CEP120: variants seen among roughly 807,000 people sequenced by gnomAD.
CEP120 encodes the protein centrosomal protein of 120 kDa.
In CEP120, 113 loss-of-function variants were observed where a neutral mutation model predicts 126.5. That is an observed-to-expected ratio of 0.89 (90% CI 0.77 to 1.04). The LOEUF (loss-of-function observed/expected upper bound fraction) is 1.04, where lower values mean the gene tolerates loss of function less well. Ranked by LOEUF, CEP120 falls within the 50% of genes least tolerant of loss-of-function variation. The pLI, the probability that CEP120 is intolerant of heterozygous loss-of-function variation, is 0.00. For synonymous variants in CEP120, 400 were observed against 394.3 expected, an observed-to-expected ratio of 1.01 and a Z score of -0.17; for missense variants, 1,230 against 1,155.7, an observed-to-expected ratio of 1.06 and a Z score of -0.93.
chr5:123,372,143 T>G (rs1347807306), intron 17 of CEP120, among the ~76,000 whole-genome samples: 1 of 152,030 alleles, frequency 6.6e-6, no homozygotes, highest in African/African-American at 2.4e-5. Context: ...AAGTCTGTGG[T>G]TCAAATGAAT....
At position 123,393,592 on chromosome 5, in the gene CEP120, GTTT is replaced by G. The variant is rs967765642; in HGVS notation, c.613-98_613-96del. On this transcript the variant is annotated intron_variant, in intron 5 of 19. Coordinates refer to ENST00000306467, the MANE Select transcript of CEP120 (RefSeq NM_001375405.1). The stretch of plus-strand genomic sequence containing the variant: ...ACATTCCAAAAACATTTGCTAAAAT[GTTT>G]TTTTATTTGATGTCTTAACCGCTCA... The G allele has an allele frequency of 5.7e-6, 6 of 1,057,460 alleles. No homozygotes were observed. The Admixed American group carries it at 1.0e-4, about 18-fold the overall frequency. 65.5% of individuals were successfully genotyped at this position (1,057,460 alleles called of 1,614,324 possible).
chr5:123,385,349 C>A (rs943001312), intron 10 of CEP120, among the ~76,000 whole-genome samples: 15 of 152,116 alleles, frequency 9.9e-5, no homozygotes, highest in African/African-American at 3.6e-4. Context: ...ATGATGGTCC[C>A]ATAAAATTAT....
In CEP120 at chr5:123,399,190, A is replaced by G. The variant is rs1773005855; in HGVS notation, c.558T>C (p.Cys186=). 1.2e-6 allele frequency: 2 copies of G among 1,613,896 alleles called. No homozygotes were observed. The highest frequency in any genetic ancestry group is 1.7e-6 in the Non-Finnish European group (2 of 1,179,742). The part of the protein sequence containing the change: ...GYHQIGPAEY[C]TDSFIMSVTI... ...TCACTGACATAATAAAGGAGTCAGT[A>G]CAGTATTCTGCTGGTCCAATCTGAT... The change falls in exon 5 of 20, where the codon TGT becomes TGC. Residue 186 remains cysteine (C), a synonymous_variant. Coordinates refer to ENST00000306467, the MANE Select transcript of CEP120 (RefSeq NM_001375405.1).
intron 4 of CEP120, chr5:123,401,225 CTCACGCAG>C: frequency 6.2e-7 from 1 of 1,612,698 alleles, no homozygotes; most frequent in Non-Finnish European, 8.5e-7. Flanking sequence ...GCTCCTGGTA[CTCACGCAG>C]CTGCCACGCC....
chr5:123,354,960 A>T (rs1186056042), intron 18 of CEP120, among the ~76,000 whole-genome samples: 4 of 113,982 alleles, frequency 3.5e-5, no homozygotes, highest in African/African-American at 6.8e-5. Flanking sequence ...AACAGTCCCC[A>T]AAGTGTGATG....
intron 14 of CEP120, among the ~76,000 whole-genome samples, chr5:123,381,708 T>G (rs1580682467): frequency 6.6e-6 from 1 of 152,194 alleles, no homozygotes; most frequent in African/African-American, 2.4e-5. Flanking sequence ...TATTTCTTTT[T>G]TATACATCAG....
intron 17 of CEP120, among the ~76,000 whole-genome samples, chr5:123,366,983 T>A (rs1032797412): frequency 2.6e-5 from 4 of 151,796 alleles, no homozygotes; most frequent in Non-Finnish European, 5.9e-5. Context: ...ACCTAAATCT[T>A]AAGGCTCAGC....
At position 123,422,334 on chromosome 5, in the gene CEP120, T is replaced by G; in HGVS notation, c.49+616A>C. On this transcript the variant is annotated intron_variant, in intron 1 of 19. Coordinates refer to ENST00000306467, the MANE Select transcript of CEP120 (RefSeq NM_001375405.1). ...TTAGGGTCTTCCACATCCTGATGAA[T>G]TATTTGCTGACACACTCTCCTTGCT... is the stretch of plus-strand genomic sequence containing the variant. The G allele has an allele frequency of 8.1e-6, 5 of 617,574 alleles. No individual in the cohort carries two copies. The South Asian group carries it at 1.0e-4, about 13-fold the overall frequency. The allele number at this position is 617,574 out of a possible 1,614,324, so 38.3% of individuals were successfully genotyped here. A position where few individuals can be genotyped will look rare whatever the true frequency, so the allele number is the denominator to read the frequency against.
At chr5:123,390,278 T>C (rs1274198294) in intron 7 of CEP120, 138 bp from the exon 8 acceptor site, 8 of 763,950 alleles carry the variant, frequency 1.0e-5, no homozygotes, top group Non-Finnish European at 1.8e-5. Context: ...TCTTCGTAAT[T>C]TGCAAATTTC....
At chr5:123,346,822 A>C (rs1768857342) in intron 19 of CEP120, 69 bp from the exon 20 acceptor site, 1 of 1,114,440 alleles carries the variant, frequency 9.0e-7, no homozygotes, top group Non-Finnish European at 1.2e-6. Context: ...ATTTAAAAAC[A>C]AAATGATTCA....
intron 18 of CEP120, among the ~76,000 whole-genome samples, chr5:123,363,081 T>C (rs1770202716): frequency 6.6e-6 from 1 of 151,644 alleles, no homozygotes; most frequent in East Asian, 1.9e-4. Flanking sequence ...GGCCCTCCTC[T>C]GTTTTATAAG....
intron 1 of CEP120, 76 bp from the exon 2 acceptor site, chr5:123,418,591 T>A: frequency 7.7e-7 from 1 of 1,297,856 alleles, no homozygotes. Context: ...TGTTTTTTTG[T>A]TTGGCTGGTT....
At position 123,386,675 on chromosome 5, in the gene CEP120, T is replaced by TAAAAAAAAAAAAAAAAAAAA; in HGVS notation, c.1431-9_1431-8insTTTTTTTTTTTTTTTTTTTT. The TAAAAAAAAAAAAAAAAAAAA allele has an allele frequency of 1.6e-6, 1 of 641,786 alleles. No homozygotes were observed. Among genetic ancestry groups the TAAAAAAAAAAAAAAAAAAAA allele is most frequent in the African/African-American group, 3.7e-5 (1 of 26,972 alleles). 39.8% of individuals were successfully genotyped at this position (641,786 alleles called of 1,614,324 possible). On this transcript the variant is annotated splice_polypyrimidine_tract_variant and intron_variant, in intron 9 of 19. Transcript: ENST00000306467. ...AAGAATGGATATGAGTACCTAGAAT[T>TAAAAAAAAAAAAAAAAAAAA]TAAAAAAAAAAAAAAAAAAAAAAGC...
chr5:123,385,269 G>C (rs865905576), intron 10 of CEP120, 136 bp from the exon 11 acceptor site: 1 of 581,278 alleles, frequency 1.7e-6, no homozygotes, highest in Non-Finnish European at 2.9e-6. Context: ...ACAATTGTTA[G>C]ACTGAATGCT....
At chr5:123,423,603 AG>A (rs1261933878), upstream of CEP120, 1 of 153,444 alleles carries the variant, frequency 6.5e-6, no homozygotes, top group Non-Finnish European at 1.4e-5. Context: ...CGCTTCCTGA[AG>A]CTGCGTAGCC....
chr5:123,372,720 A>G lies in CEP120; in HGVS notation c.2411T>C (p.Phe804Ser). ...TGGTTTGTTGTTTTGCTGGTCCTTG[A>G]ACTGTTGGAACTCTTTTTCCAAAAT... ...YKILEKEFQQFKDQQNNKPEI... is the reference protein window; with the variant it reads ...YKILEKEFQQSKDQQNNKPEI... The change falls in exon 17 of 20, where the codon TTC becomes TCC. Residue 804 changes from phenylalanine to serine, a missense_variant. By Grantham distance (155) the Phe-to-Ser change is radical. Coordinates refer to ENST00000306467, the MANE Select transcript of CEP120 (RefSeq NM_001375405.1). 2 of 1,609,468 alleles carry G rather than the reference A, an allele frequency of 1.2e-6. No individual in the cohort carries two copies. The highest frequency in any genetic ancestry group is 8.5e-7 in the Non-Finnish European group (1 of 1,177,612).
At chr5:123,399,415 C>A in intron 4 of CEP120, 131 bp from the exon 5 acceptor site, 1 of 794,894 alleles carries the variant, frequency 1.3e-6, no homozygotes. Flanking sequence ...AATAAGGTTT[C>A]CTTTACTCTC....
At chr5:123,388,827 T>C (rs1465918751) in intron 8 of CEP120, among the ~76,000 whole-genome samples, 1 of 152,184 alleles carries the variant, frequency 6.6e-6, no homozygotes, top group Non-Finnish European at 1.5e-5. Flanking sequence ...AAAAAGAGCT[T>C]ACTCTCAATA....
chr5:123,353,337 T>C (rs987527148), intron 18 of CEP120, among the ~76,000 whole-genome samples: 1 of 151,922 alleles, frequency 6.6e-6, no homozygotes, highest in African/African-American at 2.4e-5. Context: ...GATTTTTTTC[T>C]CCTTTAATCT....
Sources: allele counts gnomAD v4.1 joint callset (sites outside exome capture counted in the v4.1 genomes callset), GRCh38; gene constraint gnomAD v4.1.1; transcripts MANE v1.5; gene names NCBI Gene and HGNC (gene_info 2026-07-23, HGNC 2026-07-21).